The following CLVS1 variants were observed in gnomAD, a reference collection of about 807,000 sequenced individuals.
CLVS1 encodes the protein clavesin 1.
In CLVS1, 10 loss-of-function variants were observed where a neutral mutation model predicts 33.1. That is an observed-to-expected ratio of 0.30 (90% confidence interval 0.19 to 0.51). The LOEUF is 0.51. Ranked by LOEUF, CLVS1 falls within the 20% of genes least tolerant of loss-of-function variation. The pLI is 0.97. For missense variants in CLVS1, 343 were observed against 433.4 expected (o/e 0.79, Z 1.85); for synonymous variants, 163 against 166.1 (o/e 0.98, Z 0.14).
intron 1 of CLVS1, among the ~76,000 whole-genome samples, chr8:61,295,190 G>A (rs1411840758): frequency 1.3e-5 from 2 of 152,140 alleles, no homozygotes; most frequent in South Asian, 2.1e-4. Context: ...AATCATTTGG[G>A]ACTAAACCAC....
rs144108557 is a variant in CLVS1 at position 61,178,987 on chromosome 8, C to T, written c.-152+47127C>T. ...CATCATGATGAAAGGATCAAATTCA[C>T]ACAAAAGAATACTAACCTTAAATGT... is the stretch of plus-strand genomic sequence containing the variant. On this transcript the variant is annotated intron_variant, in intron 2 of 2. Transcript: ENST00000522621. Among the ~76,000 whole-genome samples, 800 of 152,276 alleles carry T rather than the reference C, an allele frequency of 5.3e-3. 6 individuals carry two copies. Among genetic ancestry groups the T allele is most frequent in the African/African-American group, 0.018 (762 of 41,546 alleles).
intron 2 of CLVS1, among the ~76,000 whole-genome samples, chr8:61,207,095 G>C (rs1404414596): frequency 6.6e-6 from 1 of 152,128 alleles, no homozygotes; most frequent in Non-Finnish European, 1.5e-5. Context: ...GTCTAATAGG[G>C]GAGATACAAA....
At chr8:61,193,415 T>C (rs1236236907) in intron 2 of CLVS1, among the ~76,000 whole-genome samples, 4 of 152,000 alleles carry the variant, frequency 2.6e-5, no homozygotes, top group Non-Finnish European at 5.9e-5. Flanking sequence ...ATATACCTAA[T>C]GTAAATGACA....
intron 2 of CLVS1, among the ~76,000 whole-genome samples, chr8:61,304,267 A>G (rs1468166621): frequency 6.6e-6 from 1 of 152,274 alleles, no homozygotes; most frequent in Non-Finnish European, 1.5e-5. Flanking sequence ...AGCTCAGAAC[A>G]GTGAGCAATG....
chr8:61,026,986 A>T, the CLVS1 span, among the ~76,000 whole-genome samples: 1 of 152,176 alleles, frequency 6.6e-6, no homozygotes, highest in East Asian at 1.9e-4. Context: ...CCATCGTTGC[A>T]GCTGTTTCCA....
At chr8:61,452,868 G>T (rs1018295361) in intron 3 of CLVS1, among the ~76,000 whole-genome samples, 26 of 152,254 alleles carry the variant, frequency 1.7e-4, no homozygotes, top group Admixed American at 1.6e-3. Flanking sequence ...ACCCTTAAGT[G>T]CAGTTTCATG....
At chr8:61,393,233 CT>C (rs1814379568) in intron 3 of CLVS1, among the ~76,000 whole-genome samples, 1 of 152,028 alleles carries the variant, frequency 6.6e-6, no homozygotes, top group South Asian at 2.1e-4. Flanking sequence ...CTAAGTATGT[CT>C]TTCATTTCTA....
intron 5 of CLVS1, among the ~76,000 whole-genome samples, chr8:61,484,275 C>A (rs1803785543): frequency 6.6e-6 from 1 of 152,170 alleles, no homozygotes; most frequent in African/African-American, 2.4e-5. Flanking sequence ...ATGCAAAAAT[C>A]ACAAGCATTC....
At chr8:61,152,073 T>C (rs1413258029) in intron 2 of CLVS1, among the ~76,000 whole-genome samples, 1 of 152,346 alleles carries the variant, frequency 6.6e-6, no homozygotes, top group South Asian at 2.1e-4. Context: ...TCTATCTATA[T>C]GTCTTAGCTC....
chr8:61,090,937 G>A (rs573130056), intron 1 of CLVS1: 5 of 518,276 alleles, frequency 9.6e-6, no homozygotes, highest in African/African-American at 5.8e-5. Flanking sequence ...GAATGTGCGT[G>A]AATCTTTAAG....
chr8:61,244,506 T>C (rs1808768242), intron 2 of CLVS1, among the ~76,000 whole-genome samples: 1 of 152,240 alleles, frequency 6.6e-6, no homozygotes, highest in South Asian at 2.1e-4. Flanking sequence ...TTTAATGTTG[T>C]TCAGTTCTTC....
intron 5 of CLVS1, among the ~76,000 whole-genome samples, chr8:61,494,307 G>GT (rs1804196571): frequency 6.6e-6 from 1 of 152,042 alleles, no homozygotes; most frequent in African/African-American, 2.4e-5. Context: ...ATAAAGGAGG[G>GT]TGGAGAGAGA....
chr8:61,464,069 A>G (rs1389495087), intron 5 of CLVS1, among the ~76,000 whole-genome samples: 3 of 147,426 alleles, frequency 2.0e-5, no homozygotes, highest in African/African-American at 7.4e-5. Flanking sequence ...AGCCTGGGCA[A>G]CAAAGCGAGA....
chr8:61,162,518 T>TCTCTGTCTA (rs1451202988), intron 2 of CLVS1, among the ~76,000 whole-genome samples: 3 of 152,228 alleles, frequency 2.0e-5, no homozygotes, highest in Non-Finnish European at 4.4e-5. Flanking sequence ...GACTCCTCGT[T>TCTCTGTCTA]CTCTGTCTAT....
intron 3 of CLVS1, among the ~76,000 whole-genome samples, chr8:61,408,321 G>A (rs908053383): frequency 2.0e-5 from 3 of 152,172 alleles, no homozygotes; most frequent in Non-Finnish European, 2.9e-5. Context: ...CAAAGAACCA[G>A]GGTGGAACTT....
chr8:61,488,206 A>C (rs1485012395), intron 5 of CLVS1, among the ~76,000 whole-genome samples: 1 of 152,094 alleles, frequency 6.6e-6, no homozygotes, highest in East Asian at 1.9e-4. Context: ...CACACCAAAA[A>C]CGTATGTAGT....
At chr8:60,996,790 A>T in the CLVS1 span, among the ~76,000 whole-genome samples, 1 of 120,290 alleles carries the variant, frequency 8.3e-6, no homozygotes, top group African/African-American at 2.5e-5. Context: ...AAGCACACAG[A>T]GGCTTTCAAG....
chr8:61,004,932 GT>G, the CLVS1 span, among the ~76,000 whole-genome samples: 1 of 150,614 alleles, frequency 6.6e-6, no homozygotes, highest in African/African-American at 2.4e-5. Flanking sequence ...TTGTTTGTTT[GT>G]TTTTTGTTTA....
chr8:61,293,274 T>G (rs1169661889), intron 1 of CLVS1, among the ~76,000 whole-genome samples: 1 of 152,208 alleles, frequency 6.6e-6, no homozygotes, highest in Admixed American at 6.5e-5. Context: ...CTAGTACAGA[T>G]AGTTTATATC....
Sources: gnomAD v4.1 joint callset for allele counts (sites outside exome capture counted in the v4.1 genomes callset) on GRCh38, gnomAD v4.1.1 for gene constraint, MANE v1.5 for transcripts, NCBI Gene and HGNC (gene_info 2026-07-23, HGNC 2026-07-21) for gene names.